The following MXRA7 variants were observed in gnomAD, a reference collection of about 807,000 sequenced individuals.
MXRA7 encodes the protein matrix remodeling associated 7.
A neutral mutation model predicts 17.4 loss-of-function variants in MXRA7; 18 were observed. The ratio of observed to expected loss-of-function variants is 1.03; its 90% CI spans 0.71 to 1.53. The LOEUF is 1.53. Among genes scored for constraint, MXRA7 ranks in the 40% most tolerant of loss-of-function variants. The pLI, the probability that MXRA7 is intolerant of heterozygous loss-of-function variation, is 0.00. For synonymous variants in MXRA7, 70 were observed against 101.7 expected, an observed-to-expected ratio of 0.69 and a Z score of 1.87; for missense variants, 141 against 209.3, an observed-to-expected ratio of 0.67 and a Z score of 2.01.
chr17:76,683,838 T>G (rs1184882548), intron 3 of MXRA7: 1 of 1,609,594 alleles, frequency 6.2e-7, no homozygotes, highest in Non-Finnish European at 8.5e-7. Context: ...AAGAAATCAG[T>G]GTCCTTACCA....
At chr17:76,708,940 T>TGTCC (rs2076690850) in intron 1 of MXRA7, among the ~76,000 whole-genome samples, 1 of 152,184 alleles carries the variant, frequency 6.6e-6, no homozygotes, top group Non-Finnish European at 1.5e-5. Context: ...CATACTGCCT[T>TGTCC]GTCCTTCAGA....
Position 76,680,359 on chromosome 17 carries a change from G to A in MXRA7, c.*508C>T, listed in dbSNP as rs2076285271. On this transcript the variant is annotated 3_prime_UTR_variant, in exon 4 of 4. Transcript: ENST00000449428. ...ACCAAGCCAGCCACAGAGAGAAGTG[G>A]GGTTCCCAGGGAAAGGGGTCGGCTG... The A allele has an allele frequency of 2.0e-6, 2 of 985,534 alleles. No homozygotes were observed. The highest frequency in any genetic ancestry group is 4.7e-5 in the South Asian group (1 of 21,274). The allele number at this position is 985,534 out of a possible 1,614,324, so 61.0% of individuals were successfully genotyped here. A position where few individuals can be genotyped will look rare whatever the true frequency, so the allele number is the denominator to read the frequency against.
intron 1 of MXRA7, among the ~76,000 whole-genome samples, chr17:76,694,754 T>G (rs1338037397): frequency 6.6e-6 from 1 of 152,074 alleles, no homozygotes; most frequent in Non-Finnish European, 1.5e-5. Context: ...CTTGGCTAAT[T>G]TGTGTATTTT....
chr17:76,702,574 G>A (rs1300766216), intron 1 of MXRA7, among the ~76,000 whole-genome samples: 2 of 152,174 alleles, frequency 1.3e-5, no homozygotes, highest in African/African-American at 4.8e-5. Context: ...TGAGGGCCGG[G>A]CGCAGTGGCT....
chr17:76,695,604 G>A (rs909337608), intron 1 of MXRA7, among the ~76,000 whole-genome samples: 30 of 152,180 alleles, frequency 2.0e-4, no homozygotes, highest in African/African-American at 7.2e-4. Flanking sequence ...TGTCTGCAGG[G>A]AGCAAAGAAG....
At chr17:76,704,053 A>T (rs1842752114) in intron 1 of MXRA7, among the ~76,000 whole-genome samples, 1 of 151,160 alleles carries the variant, frequency 6.6e-6, no homozygotes, top group African/African-American at 2.4e-5. Flanking sequence ...CGGTGAGCTA[A>T]GATTGTGCCA....
chr17:76,679,584 C>T lies in MXRA7; in HGVS notation c.*1283G>A, dbSNP rs2143562738. Reference sequence around the variant, plus strand: ...CACACAGTAATTGAGATCATCTACTCAAAGTTTATTGGACTGAACAAAGGC... The same window carrying T: ...CACACAGTAATTGAGATCATCTACTTAAAGTTTATTGGACTGAACAAAGGC... On this transcript the variant is annotated 3_prime_UTR_variant, in exon 4 of 4. Transcript: ENST00000449428. The T allele has an allele frequency of 3.1e-6, 3 of 974,204 alleles. No individual in the cohort carries two copies. In the South Asian group the frequency reaches 1.4e-4, roughly 47 times the overall value. The allele number at this position is 974,204 out of a possible 1,614,324, so 60.3% of individuals were successfully genotyped here.
At chr17:76,695,425 A>G (rs536567490) in intron 1 of MXRA7, among the ~76,000 whole-genome samples, 3 of 152,002 alleles carry the variant, frequency 2.0e-5, no homozygotes, top group South Asian at 4.1e-4. Context: ...GAAATACCAG[A>G]GCTCCATCGT....
At chr17:76,705,789 C>A (rs2143684967) in intron 1 of MXRA7, among the ~76,000 whole-genome samples, 1 of 152,346 alleles carries the variant, frequency 6.6e-6, no homozygotes. Flanking sequence ...TTGGACTTCC[C>A]AGCCTCCAAA....
At chr17:76,706,445 CAAAAAGG>C (rs1252754045) in intron 1 of MXRA7, among the ~76,000 whole-genome samples, 12 of 146,886 alleles carry the variant, frequency 8.2e-5, no homozygotes, top group Admixed American at 1.3e-4. Flanking sequence ...ACACTGCCAT[CAAAAAGG>C]ACCACACTGC....
intron 1 of MXRA7, among the ~76,000 whole-genome samples, chr17:76,707,743 C>T (rs2076678106): frequency 1.3e-5 from 2 of 152,148 alleles, no homozygotes; most frequent in Non-Finnish European, 2.9e-5. Flanking sequence ...TCCGACCATC[C>T]AGCCTTGCTC....
chr17:76,687,602 T>A (rs745684836), intron 2 of MXRA7, among the ~76,000 whole-genome samples: 5 of 152,196 alleles, frequency 3.3e-5, no homozygotes, highest in Non-Finnish European at 5.9e-5. Flanking sequence ...TCTGGCAGTG[T>A]CTCCCCTGTT....
intron 1 of MXRA7, among the ~76,000 whole-genome samples, chr17:76,693,688 A>G (rs1164489694): frequency 6.6e-6 from 1 of 151,926 alleles, no homozygotes; most frequent in Non-Finnish European, 1.5e-5. Flanking sequence ...CTACAAAAAA[A>G]TTACAAAAAT....
chr17:76,683,037 G>GGTGGCA (rs1254556404), intron 3 of MXRA7, among the ~76,000 whole-genome samples: 1 of 152,174 alleles, frequency 6.6e-6, no homozygotes, highest in Non-Finnish European at 1.5e-5. Flanking sequence ...TCTGGACGTG[G>GGTGGCA]GTGGCAGTGG....
intron 3 of MXRA7, chr17:76,684,023 G>T: frequency 1.0e-6 from 1 of 974,836 alleles, no homozygotes; most frequent in Non-Finnish European, 1.7e-6. Flanking sequence ...CCTCCTGGCT[G>T]TGCTTACACT....
Position 76,680,585 on chromosome 17 carries a change from G to A in MXRA7, c.*282C>T. On this transcript the variant is annotated 3_prime_UTR_variant, in exon 4 of 4. Transcript: ENST00000449428. ...AGTTTGAGTGGTAAGAAAAATCCCA[G>A]TCCAGGGTCTGAGCTCTACCTCTTA... 1 of 1,200,830 alleles carries A rather than the reference G, an allele frequency of 8.3e-7. No individual in the cohort carries two copies. Among genetic ancestry groups the A allele is most frequent in the Admixed American group, 4.3e-5 (1 of 23,118 alleles). 74.4% of individuals were successfully genotyped at this position (1,200,830 alleles called of 1,614,324 possible). A position where few individuals can be genotyped will look rare whatever the true frequency, so the allele number is the denominator to read the frequency against.
At chr17:76,685,374 C>G (rs1412132314) in intron 2 of MXRA7, among the ~76,000 whole-genome samples, 1 of 152,168 alleles carries the variant, frequency 6.6e-6, no homozygotes, top group African/African-American at 2.4e-5. Context: ...GAAAGCAGTC[C>G]TACTCCTAGT....
At position 76,685,159 on chromosome 17, in the gene MXRA7, C is replaced by A. The variant is rs780247634; in HGVS notation, c.413G>T (p.Gly138Val). 1.2e-6 allele frequency: 2 copies of A among 1,613,254 alleles called. No individual in the cohort carries two copies. The highest frequency in any genetic ancestry group is 2.2e-5 in the East Asian group (1 of 44,854). Reference protein sequence around the residue: ...SEGPEEEDGEGFSFKYSPGKL... With the variant: ...SEGPEEEDGEVFSFKYSPGKL... ...CCCGGGGCTGTATTTGAAGGAGAAGCCTTCTCCTGTGGAGGGGGGACCCAG... is the reference window on the plus strand; with the variant it reads ...CCCGGGGCTGTATTTGAAGGAGAAGACTTCTCCTGTGGAGGGGGGACCCAG... The change falls in exon 3 of 4, where the codon GGC (glycine) becomes GTC (valine). Residue 138 changes from glycine (G) to valine (V), a missense_variant. Transcript: ENST00000449428.
At chr17:76,692,927 C>T (rs1308570886) in intron 1 of MXRA7, among the ~76,000 whole-genome samples, 1 of 152,064 alleles carries the variant, frequency 6.6e-6, no homozygotes, top group Non-Finnish European at 1.5e-5. Flanking sequence ...TTTGTGCACA[C>T]GTGACCTCAA....
Sources: allele counts gnomAD v4.1 joint callset (sites outside exome capture counted in the v4.1 genomes callset), GRCh38; gene constraint gnomAD v4.1.1; transcripts MANE v1.5; gene names NCBI Gene and HGNC (gene_info 2026-07-23, HGNC 2026-07-21).